The following CR2 variants were observed in gnomAD, a reference collection of about 807,000 sequenced individuals.
CR2 encodes the protein complement C3d receptor 2.
Under a neutral mutation model 123.0 loss-of-function variants are expected in CR2, and 96 were observed. The observed-to-expected ratio is 0.78, with a 90% CI of 0.66 to 0.93. CR2 has a LOEUF of 0.93. Among genes scored for constraint, CR2 ranks in the 40% least tolerant of loss-of-function variants. CR2 has a pLI of 0.00. For synonymous variants in CR2, 484 were observed against 469.5 expected (o/e 1.03, Z -0.40); for missense variants, 1,258 against 1,361.0 (o/e 0.92, Z 1.19).
chr1:207,485,410 T>C, intron 18 of CR2, 54 bp from the exon 19 acceptor site: 1 of 1,150,902 alleles, frequency 8.7e-7, no homozygotes, highest in Non-Finnish European at 1.3e-6. Flanking sequence ...ACTGCTACAT[T>C]GAAACATGGT....
At chr1:207,468,253 ACTCG>A in intron 2 of CR2, 2 of 486,054 alleles carry the variant, frequency 4.1e-6, no homozygotes, top group Middle Eastern at 5.8e-4. Flanking sequence ...AGCTTGTCCA[ACTCG>A]CTACCCGTGG....
At chr1:207,461,977 TG>T (rs1404664530) in intron 1 of CR2, among the ~76,000 whole-genome samples, 1 of 152,220 alleles carries the variant, frequency 6.6e-6, no homozygotes, top group Non-Finnish European at 1.5e-5. Context: ...TCATGATAGC[TG>T]GCCAAACCTA....
At chr1:207,468,308 GA>G in intron 2 of CR2, 1 of 575,704 alleles carries the variant, frequency 1.7e-6, no homozygotes, top group Non-Finnish European at 3.1e-6. Flanking sequence ...TGGCCCAACA[GA>G]AATTCATAAA....
At chr1:207,483,554 T>TA (rs1558198467) in intron 18 of CR2, among the ~76,000 whole-genome samples, 1 of 98,182 alleles carries the variant, frequency 1.0e-5, no homozygotes. Context: ...TACTGCACAC[T>TA]GTTTTTTTTT....
At chr1:207,480,307 C>G (rs1031479515) in intron 18 of CR2, among the ~76,000 whole-genome samples, 1 of 152,070 alleles carries the variant, frequency 6.6e-6, no homozygotes, top group Non-Finnish European at 1.5e-5. Context: ...GGAAAAAAAT[C>G]CCAGTGGGAA....
intron 9 of CR2, among the ~76,000 whole-genome samples, chr1:207,472,287 A>T (rs1170773239): frequency 1.3e-5 from 2 of 152,144 alleles, no homozygotes; most frequent in Non-Finnish European, 2.9e-5. Context: ...AATTTAAAAA[A>T]CACTACAGAC....
chr1:207,478,265 G>C (rs1336187076), intron 16 of CR2, among the ~76,000 whole-genome samples, 195 bp downstream of exon 16: 1 of 152,050 alleles, frequency 6.6e-6, no homozygotes, highest in African/African-American at 2.4e-5. Context: ...ACTTCTGCCT[G>C]TGATACCAGA....
At chr1:207,468,297 G>A (rs1658160595) in intron 2 of CR2, 2 of 555,806 alleles carry the variant, frequency 3.6e-6, no homozygotes, top group Admixed American at 3.1e-5. Context: ...GGCTTTGAAT[G>A]TGGCCCAACA....
At chr1:207,474,197 T>C (rs566398466) in intron 12 of CR2, 44 bp from the exon 13 acceptor site, 2 of 1,415,950 alleles carry the variant, frequency 1.4e-6, no homozygotes, top group South Asian at 1.1e-5. Context: ...TGAAGAGATA[T>C]GATATTGGGA....
At chr1:207,474,465 G>C in intron 13 of CR2, 142 bp downstream of exon 13, 1 of 709,534 alleles carries the variant, frequency 1.4e-6, no homozygotes, top group South Asian at 1.6e-5. Context: ...TTATGGTGTT[G>C]GTCAGTATTG....
chr1:207,473,969 TC>T, intron 12 of CR2, 84 bp downstream of exon 12: 2 of 1,267,910 alleles, frequency 1.6e-6, no homozygotes, highest in Non-Finnish European at 2.3e-6. Context: ...CTTGGTGGCA[TC>T]CTTTAGAGGC....
At position 207,468,968 on chromosome 1, in the gene CR2, C is replaced by A. The variant is rs776916652; in HGVS notation, c.734+69C>A. 3 of 1,536,994 alleles carry A rather than the reference C, an allele frequency of 2.0e-6. No homozygotes were observed. The African/African-American group carries it at 4.1e-5, about 21-fold the overall frequency. ...TGTGTGCGTGGTGTGGACTGTGAAA[C>A]CTGCAGAAGTCTCCTCTGTGAGGAT... On this transcript the variant is annotated intron_variant, in intron 4 of 19. Transcript: ENST00000367057.
In CR2 at chr1:207,468,711, T is replaced by G; in HGVS notation, c.630T>G (p.Cys210Trp). ...AATGGAGTGCTGTCCCCCCCACATG[T>G]GAAGGTACCCTAAATTTACAATCTA... ...SGKWSAVPPT[C>W]EEARCKSLGR... The change falls in exon 3 of 20, where the codon TGT (cysteine) becomes TGG (tryptophan). Residue 210 changes from cysteine (C) to tryptophan (W), a missense_variant. Cys to Trp is a radical substitution (Grantham distance 215). Coordinates refer to ENST00000367057, the MANE Select transcript of CR2 (RefSeq NM_001006658.3). The G allele has an allele frequency of 6.2e-7, 1 of 1,613,980 alleles. No homozygotes were observed. The highest frequency in any genetic ancestry group is 2.2e-5 in the East Asian group (1 of 44,888).
intron 9 of CR2, 93 bp from the exon 10 acceptor site, chr1:207,472,679 C>A: frequency 1.5e-6 from 2 of 1,345,408 alleles, no homozygotes; most frequent in South Asian, 1.2e-5. Context: ...GTCCAGGAAA[C>A]AACAGATTCA....
intron 19 of CR2, among the ~76,000 whole-genome samples, chr1:207,487,069 G>T (rs1658769903): frequency 6.6e-6 from 1 of 152,178 alleles, no homozygotes; most frequent in South Asian, 2.1e-4. Flanking sequence ...AAAGGTCCAA[G>T]TACTGAGCCC....
chr1:207,468,451 A>C, intron 2 of CR2, 76 bp from the exon 3 acceptor site: 1 of 1,495,132 alleles, frequency 6.7e-7, no homozygotes, highest in Admixed American at 1.7e-5. Context: ...AAGCCAAAAG[A>C]TTGGACCCCC....
At position 207,469,150 on chromosome 1, in the gene CR2, G is replaced by C. The variant is rs745918801; in HGVS notation, c.735G>C (p.Gly245=). 1 of 1,613,580 alleles carries C rather than the reference G, an allele frequency of 6.2e-7. No individual in the cohort carries two copies. The highest frequency in any genetic ancestry group is 1.6e-4 in the Middle Eastern group (1 of 6,082). The stretch of plus-strand genomic sequence containing the variant: ...CTGAATGACAACCTTCTGTCTCCAG[G>C]TATCGACTGCAAGGCCCACCTTCTA... ...GVTANFFCDE[G]YRLQGPPSSR... is the part of the protein sequence containing the mutation. The change falls in exon 5 of 20, where the codon GGG becomes GGC. Residue 245 remains glycine (G), a splice_region_variant and synonymous_variant. Transcript: ENST00000367057.
intron 1 of CR2, among the ~76,000 whole-genome samples, chr1:207,463,745 C>T (rs1233916983): frequency 6.6e-6 from 1 of 152,116 alleles, no homozygotes; most frequent in African/African-American, 2.4e-5. Flanking sequence ...CTTTAGATAT[C>T]TACTCTTTGG....
chr1:207,470,601 C>A, intron 6 of CR2, 139 bp from the exon 7 acceptor site: 3 of 795,912 alleles, frequency 3.8e-6, no homozygotes, highest in Non-Finnish European at 6.1e-6. Context: ...TTACCCAAAG[C>A]TGGTCTGCAA....
Sources: allele counts gnomAD v4.1 joint callset (sites outside exome capture counted in the v4.1 genomes callset), GRCh38; gene constraint gnomAD v4.1.1; transcripts MANE v1.5; gene names NCBI Gene and HGNC (gene_info 2026-07-23, HGNC 2026-07-21).